IL1RAPL1: variants seen among roughly 807,000 people sequenced by gnomAD.
IL1RAPL1 encodes the protein interleukin 1 receptor accessory protein like 1.
A neutral mutation model predicts 48.4 loss-of-function variants in IL1RAPL1; 3 were observed. That is an observed-to-expected ratio of 0.06 (90% CI 0.03 to 0.16). IL1RAPL1 has a LOEUF of 0.16. Ranked by LOEUF, IL1RAPL1 falls within the 10% of genes least tolerant of loss-of-function variation. The pLI, the probability that IL1RAPL1 is intolerant of heterozygous loss-of-function variation, is 1.00. For synonymous variants in IL1RAPL1, 185 were observed against 187.7 expected, an observed-to-expected ratio of 0.99 and a Z score of 0.12; for missense variants, 349 against 530.6, an observed-to-expected ratio of 0.66 and a Z score of 3.36.
At chrX:28,982,381 T>C (rs938137242) in intron 2 of IL1RAPL1, among the ~76,000 whole-genome samples, 20 of 112,029 alleles carry the variant, frequency 1.8e-4, no homozygotes, top group African/African-American at 6.5e-4. Context: ...ATTTATAATG[T>C]GGGGATAATT....
chrX:29,453,341 T>C (rs1455583187), intron 5 of IL1RAPL1, among the ~76,000 whole-genome samples: 2 of 110,747 alleles, frequency 1.8e-5, no homozygotes, highest in Non-Finnish European at 3.8e-5. Flanking sequence ...TGAAGTAAAA[T>C]GTAGTTTTGG....
At chrX:29,763,242 T>A (rs1928797870) in intron 6 of IL1RAPL1, among the ~76,000 whole-genome samples, 1 of 110,975 alleles carries the variant, frequency 9.0e-6, no homozygotes, top group South Asian at 3.8e-4. Context: ...ATTATATTAG[T>A]CTTGAATATC....
At chrX:29,148,479 A>G (rs1001454012) in intron 2 of IL1RAPL1, among the ~76,000 whole-genome samples, 9 of 112,170 alleles carry the variant, frequency 8.0e-5, no homozygotes, top group Non-Finnish European at 1.5e-4. Flanking sequence ...ACAAACGTCA[A>G]TCATTAGGTG....
At chrX:29,284,055 T>C in intron 3 of IL1RAPL1, among the ~76,000 whole-genome samples, 1 of 112,766 alleles carries the variant, frequency 8.9e-6, no homozygotes, top group East Asian at 2.8e-4. Context: ...TGTTTAAATC[T>C]ATTTATTTGG....
intron 2 of IL1RAPL1, among the ~76,000 whole-genome samples, chrX:28,948,537 G>C (rs1003413333): frequency 9.0e-6 from 1 of 111,359 alleles, no homozygotes; most frequent in Admixed American, 9.6e-5. Context: ...CACTTTATCT[G>C]AGTGCCACTG....
At chrX:29,425,745 A>G (rs1020547867) in intron 5 of IL1RAPL1, among the ~76,000 whole-genome samples, 1 of 104,846 alleles carries the variant, frequency 9.5e-6, no homozygotes, top group Non-Finnish European at 2.0e-5. Context: ...ACAATCAGCT[A>G]TTTTTTTTTT....
chrX:28,689,946 C>G, intron 1 of IL1RAPL1, among the ~76,000 whole-genome samples: 1 of 111,823 alleles, frequency 8.9e-6, no homozygotes, highest in East Asian at 2.8e-4. Flanking sequence ...CAGAACTAGT[C>G]AATGATGACT....
chrX:29,385,631 A>G (rs996721675), intron 3 of IL1RAPL1, among the ~76,000 whole-genome samples: 4 of 112,281 alleles, frequency 3.6e-5, no homozygotes, highest in Admixed American at 2.8e-4. Flanking sequence ...GACTGATTTC[A>G]CTTAGCCTAA....
In IL1RAPL1 at chrX:28,977,303, G is replaced by A. The variant is rs749980972; in HGVS notation, c.82+187878G>A. Among the ~76,000 whole-genome samples the A allele has an allele frequency of 8.0e-5, 9 of 112,094 alleles. No homozygotes were observed. In the East Asian group the frequency reaches 2.3e-3, roughly 28 times the overall value. On this transcript the variant is annotated intron_variant, in intron 2 of 10. Transcript: ENST00000378993. ...GGAAGCATAGCAGCTTCTGCTTCTGGGGAGGCCTCAGGAAGCTTATAATCA... is the reference window on the plus strand; with the variant it reads ...GGAAGCATAGCAGCTTCTGCTTCTGAGGAGGCCTCAGGAAGCTTATAATCA...
At chrX:29,808,484 C>T (rs1280958834) in intron 6 of IL1RAPL1, among the ~76,000 whole-genome samples, 1 of 111,213 alleles carries the variant, frequency 9.0e-6, no homozygotes, top group Non-Finnish European at 1.9e-5. Flanking sequence ...TTTCCATCAC[C>T]GCTCCATGTG....
intron 2 of IL1RAPL1, among the ~76,000 whole-genome samples, chrX:29,067,092 A>ATTGT (rs778737971): frequency 9.0e-6 from 1 of 110,624 alleles, no homozygotes; most frequent in Non-Finnish European, 1.9e-5. Flanking sequence ...AATGGTTGTT[A>ATTGT]TTGTTTGTTT....
rs571936796 is a variant in IL1RAPL1 at position 29,275,410 on chromosome X, A to T, written c.83-7528A>T. On this transcript the variant is annotated intron_variant, in intron 2 of 10. Coordinates refer to ENST00000378993, the MANE Select transcript of IL1RAPL1 (RefSeq NM_014271.4). ...TCTGCACTTATTTTCACCTCCTTAC[A>T]CTCTTCTGTACTCCTCACCACTCCA... 8.2e-5 allele frequency among the ~76,000 whole-genome samples: 9 copies of T among 110,057 alleles called. No homozygotes were observed. The South Asian group carries it at 3.5e-3, about 43-fold the overall frequency.
chrX:29,088,448 G>T (rs1472496992), intron 2 of IL1RAPL1, among the ~76,000 whole-genome samples: 2 of 109,762 alleles, frequency 1.8e-5, no homozygotes, highest in African/African-American at 6.6e-5. Context: ...GGCCAAGGAG[G>T]GCAAATCACC....
At chrX:29,357,077 T>G (rs1053071374) in intron 3 of IL1RAPL1, among the ~76,000 whole-genome samples, 7 of 112,337 alleles carry the variant, frequency 6.2e-5, no homozygotes, top group African/African-American at 9.7e-5. Context: ...TTGCTAGTTA[T>G]GGTGTATGTA....
intron 5 of IL1RAPL1, among the ~76,000 whole-genome samples, chrX:29,634,499 C>T (rs1924902313): frequency 9.0e-6 from 1 of 110,845 alleles, no homozygotes; most frequent in East Asian, 2.8e-4. Flanking sequence ...GTGTAGACTC[C>T]CTCCTACCAC....
chrX:28,844,503 G>A (rs182040026), intron 2 of IL1RAPL1, among the ~76,000 whole-genome samples: 1 of 109,617 alleles, frequency 9.1e-6, no homozygotes, highest in African/African-American at 3.3e-5. Flanking sequence ...CATGAGCGAG[G>A]CCATTGTAGA....
At chrX:29,070,661 C>T (rs1036939336) in intron 2 of IL1RAPL1, among the ~76,000 whole-genome samples, 16 of 110,698 alleles carry the variant, frequency 1.4e-4, no homozygotes, top group African/African-American at 2.0e-4. Flanking sequence ...TCCTAGTATA[C>T]GTAATGTGGA....
At chrX:29,408,951 G>A (rs1439616418) in intron 5 of IL1RAPL1, among the ~76,000 whole-genome samples, 2 of 112,016 alleles carry the variant, frequency 1.8e-5, no homozygotes, top group African/African-American at 6.5e-5. Context: ...TAAGTGCAAC[G>A]GAAACACATT....
At chrX:29,885,675 T>TG (rs1310384537) in intron 6 of IL1RAPL1, among the ~76,000 whole-genome samples, 1 of 110,361 alleles carries the variant, frequency 9.1e-6, no homozygotes, top group Admixed American at 9.6e-5. Flanking sequence ...AAAAATCAGC[T>TG]GAGTGTGGTG....
Sources: gnomAD v4.1 joint callset for allele counts (sites outside exome capture counted in the v4.1 genomes callset) on GRCh38, gnomAD v4.1.1 for gene constraint, MANE v1.5 for transcripts, NCBI Gene and HGNC (gene_info 2026-07-23, HGNC 2026-07-21) for gene names.